The following CPXM2 variants were observed in gnomAD, a reference collection of about 807,000 sequenced individuals.
CPXM2 encodes the protein carboxypeptidase X, M14 family member 2, also known as inactive carboxypeptidase-like protein X2.
In CPXM2, 66 loss-of-function variants were observed where a neutral mutation model predicts 86.1. The observed-to-expected ratio is 0.77, with a 90% CI of 0.63 to 0.94. The LOEUF (loss-of-function observed/expected upper bound fraction) is 0.94. CPXM2 is among the 40% of genes least tolerant of loss of function. The pLI is 0.00. For missense variants in CPXM2, 948 were observed against 1,026.3 expected (o/e 0.92, Z 1.04); for synonymous variants, 388 against 400.2 (o/e 0.97, Z 0.36).
At chr10:123,785,096 C>A (rs1847020078) in intron 6 of CPXM2, among the ~76,000 whole-genome samples, 1 of 152,228 alleles carries the variant, frequency 6.6e-6, no homozygotes. Context: ...GGCCCACCCC[C>A]ACCCTGCGGT....
chr10:123,902,824 G>A (rs1945396076), intron 2 of CPXM2, among the ~76,000 whole-genome samples: 1 of 152,190 alleles, frequency 6.6e-6, no homozygotes, highest in African/African-American at 2.4e-5. Context: ...TGAACACTCA[G>A]GAAAGGCTCG....
intron 3 of CPXM2, 68 bp downstream of exon 3, chr10:123,862,546 A>T: frequency 7.2e-7 from 1 of 1,382,964 alleles, no homozygotes; most frequent in South Asian, 1.2e-5. Context: ...GCATTGCCTG[A>T]TCCAAGCTCA....
intron 2 of CPXM2, among the ~76,000 whole-genome samples, chr10:123,927,890 C>T (rs1194508314): frequency 1.3e-5 from 2 of 152,208 alleles, no homozygotes; most frequent in African/African-American, 4.8e-5. Flanking sequence ...GAATTTTCTC[C>T]AGGAACCCCC....
At chr10:123,931,036 C>G (rs1010222120) in intron 2 of CPXM2, among the ~76,000 whole-genome samples, 3 of 152,184 alleles carry the variant, frequency 2.0e-5, no homozygotes, top group African/African-American at 7.2e-5. Flanking sequence ...GACAACTTGA[C>G]CACGTGTAAC....
intron 2 of CPXM2, among the ~76,000 whole-genome samples, chr10:123,926,744 G>A: frequency 6.6e-6 from 1 of 152,162 alleles, no homozygotes; most frequent in Admixed American, 6.5e-5. Flanking sequence ...CAATCATGAG[G>A]ACTAAAGCCA....
At chr10:123,783,906 G>A (rs1016190364) in intron 6 of CPXM2, among the ~76,000 whole-genome samples, 3 of 152,230 alleles carry the variant, frequency 2.0e-5, no homozygotes, top group Non-Finnish European at 4.4e-5. Context: ...TATGTGGATC[G>A]ACAAACTCCA....
intron 2 of CPXM2, among the ~76,000 whole-genome samples, chr10:123,908,951 A>G (rs1945466601): frequency 6.6e-6 from 1 of 152,228 alleles, no homozygotes; most frequent in South Asian, 2.1e-4. Flanking sequence ...TCAATTAAAA[A>G]AAAAGATTTA....
chr10:123,940,954 G>A (rs954078955), upstream of CPXM2, among the ~76,000 whole-genome samples: 12 of 152,114 alleles, frequency 7.9e-5, no homozygotes, highest in African/African-American at 2.4e-4. Flanking sequence ...GGCGGATCAC[G>A]AGGTCAGGAG....
At chr10:123,809,185 T>A (rs1847639713) in intron 4 of CPXM2, among the ~76,000 whole-genome samples, 1 of 152,184 alleles carries the variant, frequency 6.6e-6, no homozygotes, top group South Asian at 2.1e-4. Flanking sequence ...ATAACCTTTA[T>A]TTTATTTAAG....
intron 4 of CPXM2, among the ~76,000 whole-genome samples, chr10:123,834,048 C>G (rs939706849): frequency 6.6e-6 from 1 of 152,134 alleles, no homozygotes; most frequent in Non-Finnish European, 1.5e-5. Context: ...AACTGAGGCC[C>G]GAAAGGCTCA....
In CPXM2 at chr10:123,794,734, CG is replaced by C. The variant is rs1847287666; in HGVS notation, c.889+3241del. Reference sequence around the variant, plus strand: ...TCATTTTTATTTATTTATTTAAGACCGTGTGTGTGTGTGTGTGTGTGTGTGT... The same window carrying C: ...TCATTTTTATTTATTTATTTAAGACCTGTGTGTGTGTGTGTGTGTGTGTGT... On this transcript the variant is annotated intron_variant, in intron 6 of 13. Transcript: ENST00000241305. Among the ~76,000 whole-genome samples the C allele has an allele frequency of 4.8e-4, 68 of 141,328 alleles. 1 individual carries two copies. Among genetic ancestry groups the C allele is most frequent in the Non-Finnish European group, 1.1e-4 (7 of 65,056 alleles). 92.7% of individuals were successfully genotyped at this position (141,328 alleles called of 152,430 possible).
intron 2 of CPXM2, among the ~76,000 whole-genome samples, chr10:123,908,665 C>T (rs1180312364): frequency 1.3e-5 from 2 of 152,078 alleles, no homozygotes; most frequent in Non-Finnish European, 2.9e-5. Context: ...GCACAGGGAC[C>T]AGACAACTGA....
intron 4 of CPXM2, among the ~76,000 whole-genome samples, chr10:123,821,448 A>G (rs1034768708): frequency 2.0e-5 from 3 of 152,240 alleles, no homozygotes; most frequent in Admixed American, 2.0e-4. Context: ...AGGTCATAGG[A>G]TCGGCCACTG....
intron 2 of CPXM2, among the ~76,000 whole-genome samples, chr10:123,924,010 G>A (rs1345970065): frequency 1.3e-5 from 2 of 152,138 alleles, no homozygotes; most frequent in Admixed American, 6.5e-5. Flanking sequence ...CTATTATATA[G>A]GTCAAAATGA....
intron 1 of CPXM2, among the ~76,000 whole-genome samples, chr10:123,883,030 C>G (rs1281289418): frequency 6.6e-6 from 1 of 152,166 alleles, no homozygotes; most frequent in Admixed American, 6.5e-5. Context: ...CTTGGGCAGA[C>G]TCCACACCAC....
Position 123,803,654 on chromosome 10 carries a change from T to C in CPXM2, c.654-4455A>G, listed in dbSNP as rs928372290. On this transcript the variant is annotated intron_variant, in intron 4 of 13. Coordinates refer to ENST00000241305, the MANE Select transcript of CPXM2 (RefSeq NM_198148.3). Reference sequence around the variant, plus strand: ...GGTCAAGATACATGGTTTTCTTCTGTTTTTTGTTTTTGTTTTTGTTTTTTT... The same window carrying C: ...GGTCAAGATACATGGTTTTCTTCTGCTTTTTGTTTTTGTTTTTGTTTTTTT... Among the ~76,000 whole-genome samples, 20 of 152,008 alleles carry C rather than the reference T, an allele frequency of 1.3e-4. No homozygotes were observed. In the East Asian group the frequency reaches 3.3e-3, roughly 25 times the overall value.
intron 13 of CPXM2, chr10:123,751,805 C>A: frequency 1.0e-6 from 1 of 985,336 alleles, no homozygotes; most frequent in Non-Finnish European, 1.2e-6. Context: ...GAACAAAGAG[C>A]CGTGTGTAAA....
At chr10:123,869,028 G>C (rs1944846534) in intron 2 of CPXM2, among the ~76,000 whole-genome samples, 1 of 152,196 alleles carries the variant, frequency 6.6e-6, no homozygotes, top group South Asian at 2.1e-4. Flanking sequence ...AAAGACGGGA[G>C]TGTTGCATAG....
At chr10:123,913,354 T>C (rs1165838830) in intron 2 of CPXM2, among the ~76,000 whole-genome samples, 2 of 152,106 alleles carry the variant, frequency 1.3e-5, no homozygotes, top group African/African-American at 4.8e-5. Flanking sequence ...CCAAGTAGCA[T>C]TTGGTGAATA....
Sources: gnomAD v4.1 joint callset for allele counts (sites outside exome capture counted in the v4.1 genomes callset) on GRCh38, gnomAD v4.1.1 for gene constraint, MANE v1.5 for transcripts, NCBI Gene and HGNC (gene_info 2026-07-23, HGNC 2026-07-21) for gene names.